The following AKAP9 variants were observed in gnomAD, a reference collection of about 807,000 sequenced individuals.
AKAP9 encodes the protein A-kinase anchor protein 9.
In AKAP9, 311 loss-of-function variants were observed where a neutral mutation model predicts 488.5. That is an observed-to-expected ratio of 0.64 (90% CI 0.58 to 0.70). AKAP9 has a LOEUF of 0.70. Ranked by LOEUF, AKAP9 falls within the 30% of genes least tolerant of loss-of-function variation. The pLI is 0.00. For missense variants in AKAP9, 4,215 were observed against 4,374.5 expected (o/e 0.96, Z 1.03); for synonymous variants, 1,462 against 1,483.5 (o/e 0.99, Z 0.33).
chr7:91,959,462 T>A lies in AKAP9; in HGVS notation c.49-14249T>A, dbSNP rs980053029. On this transcript the variant is annotated intron_variant, in intron 1 of 49. Coordinates refer to ENST00000356239, the MANE Select transcript of AKAP9 (RefSeq NM_005751.5). ...TGTGGGCCACCACTCCTGGCTAATTTAAAAAAAAAAAAAAATTTACTTTTT... is the reference window on the plus strand; with the variant it reads ...TGTGGGCCACCACTCCTGGCTAATTAAAAAAAAAAAAAAAATTTACTTTTT... 6.8e-5 allele frequency among the ~76,000 whole-genome samples: 10 copies of A among 147,680 alleles called. No individual in the cohort carries two copies. The East Asian group carries it at 1.2e-3, about 18-fold the overall frequency.
intron 16 of AKAP9, among the ~76,000 whole-genome samples, chr7:92,034,529 T>G (rs1804882110): frequency 7.7e-6 from 1 of 130,480 alleles, no homozygotes; most frequent in African/African-American, 2.9e-5. Context: ...TGAGATGGAG[T>G]TTCACTCTTG....
Position 91,974,067 on chromosome 7 carries a change from A to T in AKAP9, c.306+99A>T, listed in dbSNP as rs1320234377. 2.8e-6 allele frequency: 4 copies of T among 1,438,532 alleles called. No homozygotes were observed. In the African/African-American group the frequency reaches 4.2e-5, roughly 15 times the overall value. The allele number at this position is 1,438,532 out of a possible 1,614,324, so 89.1% of individuals were successfully genotyped here. On this transcript the variant is annotated intron_variant, in intron 2 of 49. Transcript: ENST00000356239. The stretch of plus-strand genomic sequence containing the variant: ...TGTGCGCAATTTGATCATGATTTTT[A>T]TGTCCTCTTGAAAGTTTTAGTAGTA...
In AKAP9 at chr7:92,085,561, G is replaced by C; in HGVS notation, c.8899G>C (p.Asp2967His). The C allele has an allele frequency of 1.2e-6, 2 of 1,613,980 alleles. No homozygotes were observed. Among genetic ancestry groups the C allele is most frequent in the Non-Finnish European group, 1.7e-6 (2 of 1,179,922 alleles). The change falls in exon 36 of 50, where the codon GAT (aspartate) becomes CAT (histidine). Residue 2967 changes from aspartate (D) to histidine (H), a missense_variant. By Grantham distance (81) the Asp-to-His change is moderately conservative. This residue lies in a region of AKAP9 where 1,476 missense variants were observed against 1,477.4 expected (regional missense o/e 1.00). Coordinates refer to ENST00000356239, the MANE Select transcript of AKAP9 (RefSeq NM_005751.5). ...VLSLTESPYSDGEDHSIQQVS... is the reference protein window; with the variant it reads ...VLSLTESPYSHGEDHSIQQVS... ...TTCTCTCACTGAGTCTCCCTATAGT[G>C]ATGGAGAGGACCATTCTATTCAGCA...
intron 49 of AKAP9, 40 bp downstream of exon 49, chr7:92,108,673 C>T (rs764341746): frequency 2.3e-5 from 37 of 1,612,694 alleles, no homozygotes; most frequent in Middle Eastern, 1.6e-4. Context: ...CACCACAGTG[C>T]GAGACCCACA....
chr7:92,060,629 G>C (rs1352488185), intron 22 of AKAP9, among the ~76,000 whole-genome samples: 1 of 152,072 alleles, frequency 6.6e-6, no homozygotes, highest in Non-Finnish European at 1.5e-5. Flanking sequence ...CTGTGTTTAT[G>C]GTTAATGTCT....
At chr7:92,028,686 C>T (rs989634342) in intron 14 of AKAP9, among the ~76,000 whole-genome samples, 5 of 152,068 alleles carry the variant, frequency 3.3e-5, no homozygotes, top group Admixed American at 6.6e-5. Context: ...TTATAACCCC[C>T]GATTGCTGAA....
At chr7:91,944,983 C>T (rs1470267798) in intron 1 of AKAP9, among the ~76,000 whole-genome samples, 3 of 152,106 alleles carry the variant, frequency 2.0e-5, no homozygotes, top group African/African-American at 7.2e-5. Flanking sequence ...GCCTCTTTTC[C>T]TAATTTGCTG....
intron 1 of AKAP9, among the ~76,000 whole-genome samples, chr7:91,943,154 A>C (rs912798219): frequency 6.6e-6 from 1 of 152,042 alleles, no homozygotes; most frequent in Non-Finnish European, 1.5e-5. Flanking sequence ...AGCTATCATC[A>C]TGCTACTGCA....
intron 28 of AKAP9, 110 bp downstream of exon 28, chr7:92,071,119 A>C: frequency 9.6e-7 from 1 of 1,043,740 alleles, no homozygotes; most frequent in Admixed American, 2.0e-5. Flanking sequence ...ACCAAAGTTG[A>C]GGCTGTTTCT....
intron 47 of AKAP9, among the ~76,000 whole-genome samples, chr7:92,106,890 C>A (rs1204857167): frequency 6.6e-6 from 1 of 152,116 alleles, no homozygotes; most frequent in African/African-American, 2.4e-5. Flanking sequence ...TAAAAGTTAG[C>A]AAATCTTGGT....
At chr7:92,086,006 C>T (rs1814494738) in intron 36 of AKAP9, among the ~76,000 whole-genome samples, 1 of 152,044 alleles carries the variant, frequency 6.6e-6, no homozygotes, top group African/African-American at 2.4e-5. Flanking sequence ...AGGAGAATCG[C>T]TTGAACCTGG....
intron 8 of AKAP9, among the ~76,000 whole-genome samples, chr7:92,009,219 C>T (rs1800355683): frequency 6.6e-6 from 1 of 152,076 alleles, no homozygotes; most frequent in Non-Finnish European, 1.5e-5. Context: ...GTACTTCAGC[C>T]TGGGTGACAG....
chr7:91,995,555 T>C (rs1798292542), intron 6 of AKAP9, 48 bp from the exon 7 acceptor site: 1 of 1,560,748 alleles, frequency 6.4e-7, no homozygotes, highest in Non-Finnish European at 8.8e-7. Flanking sequence ...TGTTCCCTAA[T>C]ACAGTCACTT....
intron 1 of AKAP9, among the ~76,000 whole-genome samples, chr7:91,957,968 G>T (rs1793258866): frequency 1.3e-5 from 2 of 152,222 alleles, no homozygotes; most frequent in South Asian, 4.1e-4. Context: ...TTAGAGATAT[G>T]CAGAGATTAT....
At chr7:92,093,343 A>T (rs760977078) in intron 39 of AKAP9, 27 bp downstream of exon 39, 1 of 1,592,604 alleles carries the variant, frequency 6.3e-7, no homozygotes, top group Admixed American at 1.7e-5. Context: ...TATTAAAAAC[A>T]TGTAACAAGG....
At chr7:91,996,203 C>T (rs1798383255) in intron 7 of AKAP9, among the ~76,000 whole-genome samples, 1 of 151,950 alleles carries the variant, frequency 6.6e-6, no homozygotes, top group Admixed American at 6.5e-5. Flanking sequence ...AGTTATGTTC[C>T]ATAAACTTAA....
At chr7:92,049,689 A>AT (rs1380653440) in intron 21 of AKAP9, among the ~76,000 whole-genome samples, 1 of 152,082 alleles carries the variant, frequency 6.6e-6, no homozygotes, top group South Asian at 2.1e-4. Context: ...ATTTTATAGG[A>AT]TTTTTTTAAA....
chr7:92,100,746 C>G, intron 44 of AKAP9, 110 bp from the exon 45 acceptor site: 2 of 1,251,048 alleles, frequency 1.6e-6, no homozygotes, highest in Non-Finnish European at 2.3e-6. Context: ...TGAACTTTGT[C>G]TGGGTGGGGT....
chr7:91,944,073 T>C (rs1476178793), intron 1 of AKAP9, among the ~76,000 whole-genome samples: 3 of 152,202 alleles, frequency 2.0e-5, no homozygotes, highest in African/African-American at 7.2e-5. Flanking sequence ...TAATATATAG[T>C]ATACTGTATA....
Sources: gnomAD v4.1 joint callset for allele counts (sites outside exome capture counted in the v4.1 genomes callset) on GRCh38, gnomAD v4.1.1 for gene constraint, gnomAD v4.1.1 regional missense constraint, MANE v1.5 for transcripts, NCBI Gene and HGNC (gene_info 2026-07-23, HGNC 2026-07-21) for gene names.